DPF2: variants seen among roughly 807,000 people sequenced by gnomAD.
The protein encoded by DPF2 is double PHD fingers 2.
A neutral mutation model predicts 59.6 loss-of-function variants in DPF2; 10 were observed. The observed-to-expected ratio is 0.17, with a 90% CI of 0.10 to 0.28. The LOEUF (loss-of-function observed/expected upper bound fraction) is 0.28. Among genes scored for constraint, DPF2 ranks in the 10% least tolerant of loss-of-function variants. The pLI, the probability that DPF2 is intolerant of heterozygous loss-of-function variation, is 1.00. For missense variants in DPF2, 315 were observed against 509.4 expected (o/e 0.62, Z 3.67); for synonymous variants, 189 against 190.6 (o/e 0.99, Z 0.07).
intron 1 of DPF2, among the ~76,000 whole-genome samples, chr11:65,335,779 G>A (rs1950086985): frequency 6.6e-6 from 1 of 152,060 alleles, no homozygotes; most frequent in South Asian, 2.1e-4. Flanking sequence ...TATACATTGA[G>A]TACATTGAGG....
intron 10 of DPF2, among the ~76,000 whole-genome samples, chr11:65,349,212 A>G (rs538912420): frequency 1.3e-5 from 2 of 152,304 alleles, no homozygotes; most frequent in South Asian, 2.1e-4. Context: ...TTTTCTTCCA[A>G]CCAGTCCAGA....
chr11:65,337,526 GA>G (rs1854227117), intron 1 of DPF2, among the ~76,000 whole-genome samples: 1 of 136,912 alleles, frequency 7.3e-6, no homozygotes, highest in African/African-American at 2.7e-5. Flanking sequence ...GAGAGAGAGA[GA>G]GAGAGAGAGA....
intron 4 of DPF2, among the ~76,000 whole-genome samples, chr11:65,342,200 C>G (rs1197338594): frequency 6.6e-6 from 1 of 152,146 alleles, no homozygotes; most frequent in Non-Finnish European, 1.5e-5. Context: ...CCACATTTGC[C>G]TTATCTGTCT....
At chr11:65,336,407 G>A (rs1408575088) in intron 1 of DPF2, among the ~76,000 whole-genome samples, 3 of 151,894 alleles carry the variant, frequency 2.0e-5, no homozygotes, top group East Asian at 2.0e-4. Context: ...CACAAGAATC[G>A]CCTGAACCCA....
At chr11:65,341,586 A>G (rs746123223) in intron 4 of DPF2, 24 bp downstream of exon 4, 5 of 1,610,500 alleles carry the variant, frequency 3.1e-6, no homozygotes, top group Non-Finnish European at 4.2e-6. Context: ...CCTGTGGCTA[A>G]GGGAGCTTTG....
Position 65,343,792 on chromosome 11 carries a change from C to CTAT in DPF2, c.514_516dup (p.Tyr172dup), listed in dbSNP as rs760288872. On this transcript the variant is annotated inframe_insertion, in exon 5 of 11. Coordinates refer to ENST00000528416, the MANE Select transcript of DPF2 (RefSeq NM_006268.5). The stretch of plus-strand genomic sequence containing the variant: ...TCCTGGATGACCTCGATGATGAAGA[C>CTAT]TATGAAGAAGATACTCCCAAGCGTC... The CTAT allele has an allele frequency of 3.8e-6, 6 of 1,596,594 alleles. No individual in the cohort carries two copies. The East Asian group carries it at 1.1e-4, about 30-fold the overall frequency.
chr11:65,342,735 G>A (rs961440247), intron 4 of DPF2, among the ~76,000 whole-genome samples: 49 of 152,064 alleles, frequency 3.2e-4, no homozygotes, highest in African/African-American at 1.1e-3. Flanking sequence ...CCCATGGGTC[G>A]GGCACGGTAG....
chr11:65,346,074 A>G lies in DPF2; in HGVS notation c.904+16A>G. ...GGCCGCTCAGGTACTGCTTCCCGTG[A>G]AGGCTGCTGCTTTGCCCAGTCCCCA... On this transcript the variant is annotated intron_variant, in intron 8 of 10. Transcript: ENST00000528416. 1 of 1,613,926 alleles carries G rather than the reference A, an allele frequency of 6.2e-7. No homozygotes were observed. The highest frequency in any genetic ancestry group is 8.5e-7 in the Non-Finnish European group (1 of 1,179,938).
intron 1 of DPF2, among the ~76,000 whole-genome samples, chr11:65,337,500 T>TAG (rs1483370415): frequency 1.7e-3 from 68 of 40,274 alleles, no homozygotes; most frequent in Non-Finnish European, 1.9e-3. Flanking sequence ...TATATATATA[T>TAG]ATATAGAGAG....
chr11:65,337,543 A>AGAGAGAGG (rs1449977686), intron 1 of DPF2, among the ~76,000 whole-genome samples: 52 of 137,500 alleles, frequency 3.8e-4, no homozygotes, highest in African/African-American at 1.4e-3. Context: ...AGAGAGAGAG[A>AGAGAGAGG]GAGAACAATG....
intron 1 of DPF2, 77 bp from the exon 2 acceptor site, chr11:65,340,308 T>C (rs4647577): frequency 0.045 from 67,850 of 1,523,844 alleles, 1,663 homozygotes; most frequent in Middle Eastern, 0.057. Flanking sequence ...GAGAAGCAGA[T>C]GGCAGGGGAG....
At chr11:65,338,705 G>A (rs575360091) in intron 1 of DPF2, among the ~76,000 whole-genome samples, 4 of 152,248 alleles carry the variant, frequency 2.6e-5, no homozygotes, top group Admixed American at 2.6e-4. Context: ...CTATATTTGT[G>A]GCATTGCCGT....
chr11:65,337,794 T>C (rs1291084697), intron 1 of DPF2, among the ~76,000 whole-genome samples: 2 of 149,878 alleles, frequency 1.3e-5, no homozygotes, highest in Non-Finnish European at 3.0e-5. Flanking sequence ...TGTTTGTTTG[T>C]TTTGTTTTTT....
intron 1 of DPF2, among the ~76,000 whole-genome samples, chr11:65,336,801 A>G (rs982579082): frequency 2.0e-5 from 3 of 148,068 alleles, no homozygotes; most frequent in Non-Finnish European, 4.5e-5. Flanking sequence ...AAAAAAAAAA[A>G]AAAAAGAAGC....
chr11:65,345,063 C>T (rs899467702), intron 6 of DPF2: 4 of 185,026 alleles, frequency 2.2e-5, no homozygotes, highest in Non-Finnish European at 4.5e-5. Flanking sequence ...GATCTGCTTT[C>T]CTTGCTGATT....
chr11:65,344,929 T>C (rs915873623), intron 6 of DPF2: 49 of 374,446 alleles, frequency 1.3e-4, no homozygotes, highest in Non-Finnish European at 2.2e-4. Context: ...AGGCAGCTGG[T>C]GGTCAGCTCA....
At chr11:65,344,709 T>A in intron 6 of DPF2, 1 of 1,414,944 alleles carries the variant, frequency 7.1e-7, no homozygotes, top group East Asian at 2.5e-5. Context: ...TTTCCTGGGA[T>A]GCTAGCTTTA....
chr11:65,342,875 G>A (rs551622535), intron 4 of DPF2, among the ~76,000 whole-genome samples: 49 of 150,886 alleles, frequency 3.2e-4, no homozygotes, highest in African/African-American at 1.1e-3. Context: ...TTAGCCAGGC[G>A]TGGTGGTGGG....
rs1266155035 is a variant in DPF2 at position 65,348,947 on chromosome 11, C to A, written c.1099+16C>A. On this transcript the variant is annotated intron_variant, in intron 10 of 10. Coordinates refer to ENST00000528416, the MANE Select transcript of DPF2 (RefSeq NM_006268.5). ...CCCCCTGAAGGTAAGTTGCCCAGAT[C>A]TTTTACTCAGAACAATTACTTTATT... The A allele has an allele frequency of 6.2e-7, 1 of 1,613,384 alleles. No individual in the cohort carries two copies. The highest frequency in any genetic ancestry group is 1.7e-5 in the Admixed American group (1 of 60,018).
Sources: gnomAD v4.1 joint callset for allele counts (sites outside exome capture counted in the v4.1 genomes callset) on GRCh38, gnomAD v4.1.1 for gene constraint, MANE v1.5 for transcripts, NCBI Gene and HGNC (gene_info 2026-07-23, HGNC 2026-07-21) for gene names.